The following ALOXE3 variants were observed in gnomAD, a reference collection of about 807,000 sequenced individuals.
ALOXE3 encodes hydroperoxide isomerase ALOXE3.
In ALOXE3, 78 loss-of-function variants were observed where a neutral mutation model predicts 87.5. That is an observed-to-expected ratio of 0.89 (90% confidence interval 0.74 to 1.08). ALOXE3 has a LOEUF of 1.08. ALOXE3 is among the 50% of genes least tolerant of loss of function. The pLI is 0.00. For synonymous variants in ALOXE3, 363 were observed against 370.8 expected (o/e 0.98, Z 0.24); for missense variants, 946 against 912.4 (o/e 1.04, Z -0.47).
intron 2 of ALOXE3, among the ~76,000 whole-genome samples, chr17:8,117,570 A>C (rs2151848015): frequency 6.6e-6 from 1 of 152,320 alleles, no homozygotes; most frequent in South Asian, 2.1e-4. Context: ...AGAGAGGGGA[A>C]GCGACTTGCC....
chr17:8,109,300 G>A lies in ALOXE3; in HGVS notation c.1436C>T (p.Thr479Met), dbSNP rs372053788. 77 of 1,613,974 alleles carry A rather than the reference G, an allele frequency of 4.8e-5. No homozygotes were observed. The highest frequency in any genetic ancestry group is 2.0e-4 in the Admixed American group (12 of 60,006). ...GGTGTAGGTGAAGTGGGCCAGGCCCGTGCTCATGAGGTAGATGAGGCCTTG... is the reference window on the plus strand; with the variant it reads ...GGTGTAGGTGAAGTGGGCCAGGCCCATGCTCATGAGGTAGATGAGGCCTTG... ...GRQGLIYLMS[T>M]GLAHFTYTNF... Residue 479 changes from threonine to methionine, a missense_variant, in exon 12 of 16, where the codon ACG becomes ATG. Coordinates refer to ENST00000448843, the MANE Select transcript of ALOXE3 (RefSeq NM_021628.3).
chr17:8,107,795 T>C (rs1463491552), intron 13 of ALOXE3, among the ~76,000 whole-genome samples: 2 of 76,406 alleles, frequency 2.6e-5, no homozygotes, highest in Non-Finnish European at 5.4e-5. Flanking sequence ...GGAGACTCCG[T>C]CTCAAAAAAA....
At position 8,109,974 on chromosome 17, in the gene ALOXE3, A is replaced by G. The variant is rs1979890827; in HGVS notation, c.1334T>C (p.Leu445Pro). The G allele has an allele frequency of 6.4e-7, 1 of 1,552,282 alleles. No individual in the cohort carries two copies. Residue 445 changes from leucine (L) to proline (P), a missense_variant, in exon 11 of 16, where the codon CTG (leucine) becomes CCG (proline). Transcript: ENST00000448843. ...GGCCCTCGCGATGGTGTTCACCTGC[A>G]GCGTGTATCGAGTGTGGGGGAGTAG... Reference protein sequence around the residue: ...KLLLPHTRYTLQVNTIARATL... With the variant: ...KLLLPHTRYTPQVNTIARATL...
At chr17:8,113,966 G>A (rs548565209) in intron 6 of ALOXE3, among the ~76,000 whole-genome samples, 31 of 151,292 alleles carry the variant, frequency 2.0e-4, no homozygotes, top group Admixed American at 3.9e-4. Context: ...CAGAGGTTGC[G>A]GTGAGCCGAG....
intron 15 of ALOXE3, among the ~76,000 whole-genome samples, chr17:8,099,602 A>G (rs551865629): frequency 6.6e-6 from 1 of 151,774 alleles, no homozygotes; most frequent in African/African-American, 2.4e-5. Flanking sequence ...CAGAGGTTGC[A>G]CTGAGCCGAG....
rs185778658 is a variant in ALOXE3, at chr17:8,096,498, T to C, written c.*129A>G. The C allele has an allele frequency of 9.7e-6, 7 of 718,710 alleles. No homozygotes were observed. The Admixed American group carries it at 1.0e-4, about 10-fold the overall frequency. The allele number at this position is 718,710 out of a possible 1,614,324, so 44.5% of individuals were successfully genotyped here. A position where few individuals can be genotyped will look rare whatever the true frequency, so the allele number is the denominator to read the frequency against. On this transcript the variant is annotated 3_prime_UTR_variant, in exon 16 of 16. Transcript: ENST00000448843. ...GTCAGAGCCATCTTGGCTGCAAAAG[T>C]CTCCATGTGCAGAAGAGAAGGTTCA...
In ALOXE3 at chr17:8,117,957, GACC is replaced by G; in HGVS notation, c.31_33del (p.Gly11del). ...TCCAGTGTGCCGGCCCTCAGGTAGG[GACC>G]AGTGGTCACACACAGGCGGTACACT... On this transcript the variant is annotated inframe_deletion, in exon 2 of 16. Transcript: ENST00000448843. 2 of 1,612,220 alleles carry G rather than the reference GACC, an allele frequency of 1.2e-6. No homozygotes were observed. The highest frequency in any genetic ancestry group is 2.2e-5 in the South Asian group (2 of 90,846).
chr17:8,115,020 C>CAGAA lies in ALOXE3; in HGVS notation c.471_472insTTCT (p.Asp158PhefsTer2). On this transcript the variant is annotated frameshift_variant, in exon 5 of 16. Coordinates refer to ENST00000448843, the MANE Select transcript of ALOXE3 (RefSeq NM_021628.3). LOFTEE classifies it high-confidence loss of function. ...TCCATCTCCTGAAAGCTGTTGACGT[C>CAGAA]TACCATGCAGGGGAAGCCAGGGGCA... 1.2e-6 allele frequency: 2 copies of CAGAA among 1,614,192 alleles called. No individual in the cohort carries two copies. Among genetic ancestry groups the CAGAA allele is most frequent in the Non-Finnish European group, 1.7e-6 (2 of 1,180,026 alleles).
rs1980744569 is a variant in ALOXE3 at position 8,117,906 on chromosome 17, T to A, written c.85A>T (p.Thr29Ser). 2.5e-6 allele frequency: 4 copies of A among 1,612,160 alleles called. No individual in the cohort carries two copies. Among genetic ancestry groups the A allele is most frequent in the Non-Finnish European group, 2.5e-6 (3 of 1,179,644 alleles). ...CGCTGCTTGGGGCTTTCACCACACG[T>A]GCCCACCAGTGTGACAGAGATGTTG... is the stretch of plus-strand genomic sequence containing the variant. The part of the protein sequence containing the change: ...LDNISVTLVG[T>S]CGESPKQRLD... Residue 29 changes from threonine to serine, a missense_variant, in exon 2 of 16, where the codon ACG becomes TCG. Physicochemically the swap from Thr to Ser is moderately conservative, Grantham distance 58 (BLOSUM62 1). Coordinates refer to ENST00000448843, the MANE Select transcript of ALOXE3 (RefSeq NM_021628.3).
In ALOXE3 at chr17:8,107,965, G is replaced by GGAGA. The variant is rs1313666196; in HGVS notation, c.1684+499_1684+502dup. 3.2e-3 allele frequency among the ~76,000 whole-genome samples: 20 copies of GGAGA among 6,288 alleles called. 9 individuals are homozygous for GGAGA. Among genetic ancestry groups the GGAGA allele is most frequent in the South Asian group, 0.029 (8 of 272 alleles). The allele number at this position is 6,288 out of a possible 152,430, so 4.1% of individuals were successfully genotyped here. A position where few individuals can be genotyped will look rare whatever the true frequency, so the allele number is the denominator to read the frequency against. On this transcript the variant is annotated intron_variant, in intron 13 of 15. Coordinates refer to ENST00000448843, the MANE Select transcript of ALOXE3 (RefSeq NM_021628.3). ...AGAAAGAAAGAAAGAAAGAAAGGAA[G>GGAGA]GAGAGAGAGAGAGAGAGAAAGAAAG...
chr17:8,112,206 G>A lies in ALOXE3; in HGVS notation c.681-10C>T, dbSNP rs372189425. The A allele has an allele frequency of 3.1e-6, 5 of 1,606,824 alleles. No homozygotes were observed. Among genetic ancestry groups the A allele is most frequent in the Non-Finnish European group, 3.4e-6 (4 of 1,173,522 alleles). On this transcript the variant is annotated splice_polypyrimidine_tract_variant and intron_variant, in intron 6 of 15. Transcript: ENST00000448843. ...CTTCATTCCCAAGGACCTGATGGGA[G>A]AGGAAAAGATGAGGGTGAGGTCTGG... is the stretch of plus-strand genomic sequence containing the variant.
intron 11 of ALOXE3, among the ~76,000 whole-genome samples, 157 bp downstream of exon 11, chr17:8,109,759 G>A (rs901477476): frequency 2.0e-5 from 3 of 152,024 alleles, no homozygotes; most frequent in African/African-American, 7.2e-5. Context: ...GACCGGCGGA[G>A]TGGGCGGGGC....
chr17:8,107,256 C>G (rs1012749860), intron 13 of ALOXE3, among the ~76,000 whole-genome samples: 4 of 152,178 alleles, frequency 2.6e-5, no homozygotes, highest in African/African-American at 9.7e-5. Context: ...GTGGCTCACA[C>G]CTGTAATCCC....
intron 6 of ALOXE3, among the ~76,000 whole-genome samples, chr17:8,113,161 C>T (rs1031837683): frequency 3.9e-5 from 6 of 152,198 alleles, no homozygotes; most frequent in Non-Finnish European, 7.3e-5. Context: ...GCCTGAACTC[C>T]TCCTTGCACA....
At chr17:8,098,437 A>C (rs1365271797) in intron 15 of ALOXE3, among the ~76,000 whole-genome samples, 1 of 151,338 alleles carries the variant, frequency 6.6e-6, no homozygotes, top group Non-Finnish European at 1.5e-5. Flanking sequence ...ATGAGGTTTC[A>C]CCATGTTGGC....
rs1979565390 is a variant in ALOXE3 at position 8,107,943 on chromosome 17, AAGAAAG to A, written c.1684+519_1684+524del. Reference sequence around the variant, plus strand: ...AAAGAAAGAAAGAAAGAAAGAAAGAAAGAAAGAAAGAAAGAAAGGAAGGAGAGAGAG... The same window carrying A: ...AAAGAAAGAAAGAAAGAAAGAAAGAAAAAGAAAGAAAGGAAGGAGAGAGAG... On this transcript the variant is annotated intron_variant, in intron 13 of 15. Transcript: ENST00000448843. 4.1e-4 allele frequency among the ~76,000 whole-genome samples: 2 copies of A among 4,896 alleles called. 1 individual carries two copies. The highest frequency in any genetic ancestry group is 1.2e-3 in the Non-Finnish European group (2 of 1,632). 3.2% of individuals were successfully genotyped at this position (4,896 alleles called of 152,430 possible).
At position 8,107,995 on chromosome 17, in the gene ALOXE3, G is replaced by GA. The variant is rs1979617507; in HGVS notation, c.1684+472dup. 5.6e-4 allele frequency among the ~76,000 whole-genome samples: 4 copies of GA among 7,098 alleles called. 1 individual carries two copies. The highest frequency in any genetic ancestry group is 1.2e-3 in the East Asian group (1 of 840). The allele number at this position is 7,098 out of a possible 152,430, so 4.7% of individuals were successfully genotyped here. A position where few individuals can be genotyped will look rare whatever the true frequency, so the allele number is the denominator to read the frequency against. On this transcript the variant is annotated intron_variant, in intron 13 of 15. Coordinates refer to ENST00000448843, the MANE Select transcript of ALOXE3 (RefSeq NM_021628.3). ...GAGAGAGAGAGAGAAAGAAAGAAAGGAAGGAAAGAAAGAAAGAAAGAAAGA... is the reference window on the plus strand; with the variant it reads ...GAGAGAGAGAGAGAAAGAAAGAAAGGAAAGGAAAGAAAGAAAGAAAGAAAGA...
Position 8,116,939 on chromosome 17 carries a change from C to G in ALOXE3, c.189G>C (p.Glu63Asp), listed in dbSNP as rs1457369854. 3 of 1,614,124 alleles carry G rather than the reference C, an allele frequency of 1.9e-6. No homozygotes were observed. The African/African-American group carries it at 4.0e-5, about 22-fold the overall frequency. The change falls in exon 3 of 16, where the codon GAG becomes GAC. Residue 63 changes from glutamate (E) to aspartate (D), a missense_variant. Glu to Asp is a conservative substitution (Grantham distance 45, BLOSUM62 2). Transcript: ENST00000448843. ...CCTTGTGTACACGCAGCAGCAAGAG[C>G]TCACCCAGCTCCGCTGTGCAACGCA... is the stretch of plus-strand genomic sequence containing the variant. ...YKVRCTAELG[E>D]LLLLRVHKER...
At position 8,096,268 on chromosome 17, in the gene ALOXE3, G is replaced by T. The variant is rs1234802577; in HGVS notation, c.*359C>A. On this transcript the variant is annotated 3_prime_UTR_variant, in exon 16 of 16. Coordinates refer to ENST00000448843, the MANE Select transcript of ALOXE3 (RefSeq NM_021628.3). ...GGCATGGTAGGAGAAGGAGTTTGGG[G>T]ATTGGGGAGGATGAGGGAGAAAAGC... The T allele has an allele frequency of 4.1e-6, 1 of 242,898 alleles. No individual in the cohort carries two copies. Among genetic ancestry groups the T allele is most frequent in the South Asian group, 6.3e-5 (1 of 15,750 alleles). The allele number at this position is 242,898 out of a possible 1,614,324, so 15.0% of individuals were successfully genotyped here. A position where few individuals can be genotyped will look rare whatever the true frequency, so the allele number is the denominator to read the frequency against.
Sources: gnomAD v4.1 joint callset for allele counts (sites outside exome capture counted in the v4.1 genomes callset) on GRCh38, gnomAD v4.1.1 for gene constraint, MANE v1.5 for transcripts, NCBI Gene and HGNC (gene_info 2026-07-23, HGNC 2026-07-21) for gene names.